The following GALNT17 variants were observed in gnomAD, a reference collection of about 807,000 sequenced individuals.
The protein encoded by GALNT17 is UDP-GalNAc:polypeptide N-acetylgalactosaminyltransferase-like 3.
A neutral mutation model predicts 63.7 loss-of-function variants in GALNT17; 29 were observed. The observed-to-expected ratio is 0.46, with a 90% CI of 0.34 to 0.62. GALNT17 has a LOEUF of 0.62. Among genes scored for constraint, GALNT17 ranks in the 20% least tolerant of loss-of-function variants. The probability of loss-of-function intolerance (pLI) is 0.01; values close to 1 mark genes in which losing one functional copy is unlikely to be tolerated. For synonymous variants in GALNT17, 305 were observed against 318.3 expected (o/e 0.96, Z 0.45); for missense variants, 603 against 799.6 (o/e 0.75, Z 2.97).
chr7:71,150,759 C>T (rs1788116357), intron 1 of GALNT17, among the ~76,000 whole-genome samples: 1 of 151,886 alleles, frequency 6.6e-6, no homozygotes, highest in Admixed American at 6.6e-5. Flanking sequence ...ATCCGCCCAC[C>T]TCGGCCTCCC....
intron 1 of GALNT17, among the ~76,000 whole-genome samples, chr7:71,213,908 T>C (rs915495926): frequency 6.6e-6 from 1 of 152,240 alleles, no homozygotes; most frequent in Admixed American, 6.5e-5. Context: ...CTGAACCAAA[T>C]TGCTCAGCAA....
chr7:71,573,510 C>A (rs1789486293), intron 6 of GALNT17, among the ~76,000 whole-genome samples: 1 of 151,214 alleles, frequency 6.6e-6, no homozygotes, highest in Non-Finnish European at 1.5e-5. Flanking sequence ...TTGTTTTTGT[C>A]TTTTTAGTAG....
At chr7:71,578,506 G>GT (rs1046115219) in intron 6 of GALNT17, among the ~76,000 whole-genome samples, 2 of 151,666 alleles carry the variant, frequency 1.3e-5, no homozygotes, top group African/African-American at 4.8e-5. Context: ...GCTAATTGTT[G>GT]TTTTTTGGTT....
chr7:71,160,937 G>A (rs1022710849), intron 1 of GALNT17, among the ~76,000 whole-genome samples: 2 of 152,006 alleles, frequency 1.3e-5, no homozygotes, highest in Admixed American at 6.6e-5. Context: ...GAACTCAAGC[G>A]GCCCTTCTGC....
At chr7:71,495,164 T>A (rs187784894) in intron 5 of GALNT17, among the ~76,000 whole-genome samples, 1 of 152,202 alleles carries the variant, frequency 6.6e-6, no homozygotes, top group East Asian at 1.9e-4. Context: ...TAGTCCCAGC[T>A]ACTTGGGAAG....
Position 71,399,444 on chromosome 7 carries a change from A to G in GALNT17, c.589+11043A>G, listed in dbSNP as rs78108667. ...TTTTGGGCATTGTTAGCTTGGGATC[A>G]TCTGTCACACATCTGTCACTTGGTT... On this transcript the variant is annotated intron_variant, in intron 3 of 10. Coordinates refer to ENST00000333538, the MANE Select transcript of GALNT17 (RefSeq NM_022479.3). 7.2e-5 allele frequency among the ~76,000 whole-genome samples: 11 copies of G among 152,288 alleles called. No homozygotes were observed. The East Asian group carries it at 2.1e-3, about 29-fold the overall frequency.
intron 2 of GALNT17, among the ~76,000 whole-genome samples, chr7:71,363,053 A>G (rs990945697): frequency 6.6e-6 from 1 of 151,298 alleles, no homozygotes; most frequent in East Asian, 1.9e-4. Flanking sequence ...CGCAACCTCC[A>G]TCTTCTGGGT....
chr7:71,227,167 G>A (rs1789694535), intron 1 of GALNT17, among the ~76,000 whole-genome samples: 3 of 94,864 alleles, frequency 3.2e-5, no homozygotes, highest in South Asian at 9.6e-4. Context: ...GGGAGACACC[G>A]TCTCTACAAA....
At chr7:71,521,918 A>G (rs1400448355) in intron 5 of GALNT17, among the ~76,000 whole-genome samples, 1 of 152,182 alleles carries the variant, frequency 6.6e-6, no homozygotes, top group African/African-American at 2.4e-5. Flanking sequence ...TGGTTCTAGA[A>G]GGAGTCACAG....
intron 1 of GALNT17, among the ~76,000 whole-genome samples, chr7:71,168,164 A>T (rs781192272): frequency 6.6e-6 from 1 of 152,140 alleles, no homozygotes; most frequent in Non-Finnish European, 1.5e-5. Context: ...TGGACTCTGT[A>T]TTCTGTCCAT....
chr7:71,196,628 T>TA (rs149523413), intron 1 of GALNT17, among the ~76,000 whole-genome samples: 16 of 149,726 alleles, frequency 1.1e-4, no homozygotes, highest in Admixed American at 2.7e-4. Flanking sequence ...GTTGCTTAAT[T>TA]AAAAAAAAAA....
At chr7:71,577,851 C>T (rs886907454) in intron 6 of GALNT17, among the ~76,000 whole-genome samples, 3 of 151,926 alleles carry the variant, frequency 2.0e-5, no homozygotes, top group Admixed American at 2.0e-4. Flanking sequence ...ATGGTTAGAA[C>T]TCCTGCCATC....
intron 5 of GALNT17, among the ~76,000 whole-genome samples, chr7:71,432,663 T>C (rs1486586128): frequency 6.6e-6 from 1 of 152,100 alleles, no homozygotes; most frequent in Non-Finnish European, 1.5e-5. Flanking sequence ...GTGGGAAATA[T>C]GCATTAAAAA....
intron 9 of GALNT17, among the ~76,000 whole-genome samples, chr7:71,695,454 CCT>C (rs1371085014): frequency 1.3e-5 from 2 of 152,262 alleles, no homozygotes; most frequent in East Asian, 3.9e-4. Context: ...AGGAGCTGGC[CCT>C]CTCTGCAGGA....
intron 9 of GALNT17, among the ~76,000 whole-genome samples, chr7:71,706,344 A>C (rs1368249249): frequency 6.6e-6 from 1 of 151,858 alleles, no homozygotes; most frequent in Non-Finnish European, 1.5e-5. Flanking sequence ...TCATTGTTTC[A>C]CTCCCTAACA....
intron 2 of GALNT17, among the ~76,000 whole-genome samples, chr7:71,365,541 G>A (rs745426764): frequency 2.6e-5 from 4 of 152,070 alleles, no homozygotes; most frequent in Non-Finnish European, 5.9e-5. Context: ...CGCCCACCCA[G>A]GAGGAATAGT....
At chr7:71,494,915 A>G (rs1031227968) in intron 5 of GALNT17, among the ~76,000 whole-genome samples, 13 of 152,148 alleles carry the variant, frequency 8.5e-5, no homozygotes, top group African/African-American at 2.9e-4. Context: ...ACTCACTACC[A>G]CAAGAACAGT....
At chr7:71,376,064 G>C (rs1010709066) in intron 2 of GALNT17, among the ~76,000 whole-genome samples, 1 of 148,236 alleles carries the variant, frequency 6.7e-6, no homozygotes, top group African/African-American at 2.5e-5. Flanking sequence ...GGGCCATAGC[G>C]TGAGACTCCA....
At chr7:71,607,332 G>C (rs980043279) in intron 6 of GALNT17, among the ~76,000 whole-genome samples, 1 of 152,144 alleles carries the variant, frequency 6.6e-6, no homozygotes, top group Non-Finnish European at 1.5e-5. Context: ...GATGATGAAA[G>C]AATATGAATA....
Sources: allele counts gnomAD v4.1 joint callset (sites outside exome capture counted in the v4.1 genomes callset), GRCh38; gene constraint gnomAD v4.1.1; transcripts MANE v1.5; gene names NCBI Gene and HGNC (gene_info 2026-07-23, HGNC 2026-07-21).